LRRC4C: variants seen among roughly 807,000 people sequenced by gnomAD.
LRRC4C encodes leucine-rich repeat-containing protein 4C.
LRRC4C carries 5 observed loss-of-function variants against 33.6 expected under a neutral mutation model. That is an observed-to-expected ratio of 0.15 (90% CI 0.08 to 0.31). LRRC4C has a LOEUF of 0.31. LRRC4C is among the 10% of genes least tolerant of loss of function. The pLI, the probability that LRRC4C is intolerant of heterozygous loss-of-function variation, is 1.00. For missense variants in LRRC4C, 560 were observed against 796.7 expected (o/e 0.70, Z 3.58); for synonymous variants, 329 against 302.0 (o/e 1.09, Z -0.93).
chr11:40,783,294 T>C (rs1232402404), intron 2 of LRRC4C, among the ~76,000 whole-genome samples: 1 of 151,552 alleles, frequency 6.6e-6, no homozygotes, highest in African/African-American at 2.4e-5. Flanking sequence ...TATTTTATTT[T>C]ATTTTATTTT....
At chr11:40,329,737 C>CTTTTTTTTTT (rs199598860) in intron 3 of LRRC4C, among the ~76,000 whole-genome samples, 12 of 120,412 alleles carry the variant, frequency 1.0e-4, no homozygotes, top group African/African-American at 3.5e-4. Context: ...CTTTCTTTTT[C>CTTTTTTTTTT]TTTTTTTTTT....
chr11:41,068,394 CCCCCA>C (rs1938421392), intron 1 of LRRC4C, among the ~76,000 whole-genome samples: 1 of 151,196 alleles, frequency 6.6e-6, no homozygotes, highest in Non-Finnish European at 1.5e-5. Flanking sequence ...CCGTCCCCTC[CCCCCA>C]ACAAAAAAAA....
chr11:41,184,529 C>A (rs1945600708), intron 1 of LRRC4C, among the ~76,000 whole-genome samples: 1 of 152,164 alleles, frequency 6.6e-6, no homozygotes, highest in Non-Finnish European at 1.5e-5. Context: ...AGTTCCTCAA[C>A]TTCATCTGAG....
intron 6 of LRRC4C, among the ~76,000 whole-genome samples, chr11:40,124,734 G>A (rs956217715): frequency 6.6e-6 from 1 of 152,040 alleles, no homozygotes; most frequent in Non-Finnish European, 1.5e-5. Flanking sequence ...CAATTAATAT[G>A]ATCTATTTGA....
At chr11:40,380,826 C>T (rs1466347234) in intron 3 of LRRC4C, among the ~76,000 whole-genome samples, 1 of 152,132 alleles carries the variant, frequency 6.6e-6, no homozygotes. Flanking sequence ...GAACAGAAAG[C>T]ATGCTATGAA....
chr11:41,201,876 A>G (rs1161375490), intron 1 of LRRC4C, among the ~76,000 whole-genome samples: 1 of 150,948 alleles, frequency 6.6e-6, no homozygotes, highest in Non-Finnish European at 1.5e-5. Flanking sequence ...GCAAGCACCC[A>G]GGATGCTTTT....
intron 1 of LRRC4C, among the ~76,000 whole-genome samples, chr11:41,051,619 C>A (rs1268005031): frequency 7.5e-6 from 1 of 132,690 alleles, no homozygotes. Context: ...TTTTTTCAAT[C>A]TAAATTCCAT....
chr11:40,137,485 T>C (rs1477561920), intron 6 of LRRC4C, among the ~76,000 whole-genome samples: 1 of 152,170 alleles, frequency 6.6e-6, no homozygotes, highest in African/African-American at 2.4e-5. Flanking sequence ...CCAAGAAGAA[T>C]GACCTGGAAA....
intron 1 of LRRC4C, among the ~76,000 whole-genome samples, chr11:41,405,194 A>G (rs776075379): frequency 2.2e-4 from 34 of 152,154 alleles, no homozygotes; most frequent in Admixed American, 3.9e-4. Context: ...CAAACCAAGA[A>G]GGTGACATTT....
At chr11:41,134,476 C>T (rs934841763) in intron 1 of LRRC4C, among the ~76,000 whole-genome samples, 2 of 152,104 alleles carry the variant, frequency 1.3e-5, no homozygotes, top group African/African-American at 4.8e-5. Flanking sequence ...CTAGGAATCT[C>T]CTCATTGTAT....
intron 1 of LRRC4C, among the ~76,000 whole-genome samples, chr11:41,104,470 T>A (rs1390872760): frequency 6.6e-6 from 1 of 151,910 alleles, no homozygotes; most frequent in East Asian, 1.9e-4. Context: ...TAACTAGTGT[T>A]TTCGAGAATG....
chr11:41,444,929 G>T, intron 1 of LRRC4C, among the ~76,000 whole-genome samples: 1 of 151,490 alleles, frequency 6.6e-6, no homozygotes, highest in East Asian at 1.9e-4. Context: ...TCAGCCTCCC[G>T]AATAGCTAGG....
chr11:40,923,951 T>G (rs1178022712), intron 2 of LRRC4C, among the ~76,000 whole-genome samples: 1 of 152,128 alleles, frequency 6.6e-6, no homozygotes, highest in Admixed American at 6.6e-5. Flanking sequence ...TTTCTGTATT[T>G]AGCAATGCAT....
rs1272648975 is a variant in LRRC4C, at chr11:40,535,362, GAC to G, written c.-270+112778_-270+112779del. 9.9e-5 allele frequency among the ~76,000 whole-genome samples: 15 copies of G among 152,266 alleles called. 1 individual carries two copies. The highest frequency in any genetic ancestry group is 3.4e-3 in the Middle Eastern group (1 of 294). On this transcript the variant is annotated intron_variant, in intron 3 of 6. Coordinates refer to ENST00000528697, the MANE Select transcript of LRRC4C (RefSeq NM_001258419.2). The stretch of plus-strand genomic sequence containing the variant: ...AAACTGGAGTGAAATAGGTTAGAGA[GAC>G]ACATCAGCTCTAGTGACTACCTTGA...
chr11:41,028,110 C>A (rs1024795270), intron 1 of LRRC4C, among the ~76,000 whole-genome samples: 17 of 151,474 alleles, frequency 1.1e-4, no homozygotes, highest in African/African-American at 3.6e-4. Context: ...ATTATTTTAA[C>A]CAAATGTAAT....
At chr11:40,322,478 T>C (rs1011760604) in intron 3 of LRRC4C, among the ~76,000 whole-genome samples, 3 of 152,126 alleles carry the variant, frequency 2.0e-5, no homozygotes, top group Non-Finnish European at 2.9e-5. Context: ...ACTCCTGACC[T>C]CAGGTGATTC....
At chr11:40,308,449 G>A (rs533342452) in intron 4 of LRRC4C, among the ~76,000 whole-genome samples, 1 of 152,262 alleles carries the variant, frequency 6.6e-6, no homozygotes, top group East Asian at 1.9e-4. Context: ...GGAACCTGTG[G>A]CTATGTCTCA....
At chr11:40,388,107 C>A (rs1310492735) in intron 3 of LRRC4C, among the ~76,000 whole-genome samples, 1 of 152,106 alleles carries the variant, frequency 6.6e-6, no homozygotes, top group African/African-American at 2.4e-5. Flanking sequence ...CACAAACTAT[C>A]TGCTTCTACC....
chr11:40,526,437 A>G (rs1038462210), intron 3 of LRRC4C, among the ~76,000 whole-genome samples: 2 of 152,110 alleles, frequency 1.3e-5, no homozygotes, highest in African/African-American at 4.8e-5. Flanking sequence ...CAGCTACTAC[A>G]TAAAAGAGAA....
Sources: gnomAD v4.1 joint callset for allele counts (sites outside exome capture counted in the v4.1 genomes callset) on GRCh38, gnomAD v4.1.1 for gene constraint, MANE v1.5 for transcripts, NCBI Gene and HGNC (gene_info 2026-07-23, HGNC 2026-07-21) for gene names.